Variants in NT5C3A observed in about 807,000 individuals in gnomAD.
NT5C3A encodes 5'-nucleotidase, cytosolic IIIA.
In NT5C3A, 23 loss-of-function variants were observed where a neutral mutation model predicts 40.0. The ratio of observed to expected loss-of-function variants is 0.58; its 90% CI spans 0.41 to 0.81. NT5C3A has a LOEUF of 0.81. Ranked by LOEUF, NT5C3A falls within the 40% of genes least tolerant of loss-of-function variation. The pLI is 0.00. For synonymous variants in NT5C3A, 130 were observed against 141.4 expected (o/e 0.92, Z 0.57); for missense variants, 328 against 403.0 (o/e 0.81, Z 1.59).
intron 1 of NT5C3A, among the ~76,000 whole-genome samples, chr7:33,029,983 A>C (rs1298602183): frequency 6.6e-6 from 1 of 152,246 alleles, no homozygotes; most frequent in East Asian, 1.9e-4. Context: ...AGTAGTGAAT[A>C]CACAAATGGC....
intron 8 of NT5C3A, among the ~76,000 whole-genome samples, chr7:33,015,414 T>C (rs1293955373): frequency 6.6e-6 from 1 of 152,066 alleles, no homozygotes; most frequent in Non-Finnish European, 1.5e-5. Context: ...AATTTAAAAA[T>C]CAGCCAGGTG....
intron 2 of NT5C3A, among the ~76,000 whole-genome samples, chr7:33,026,178 C>G (rs1448660499): frequency 1.3e-5 from 2 of 151,470 alleles, no homozygotes; most frequent in Non-Finnish European, 2.9e-5. Flanking sequence ...GAGTAATACT[C>G]AGTCTCAAAA....
At chr7:33,057,940 G>C (rs982221164) in intron 1 of NT5C3A, among the ~76,000 whole-genome samples, 12 of 152,128 alleles carry the variant, frequency 7.9e-5, no homozygotes, top group Admixed American at 5.9e-4. Flanking sequence ...TGTTGTGCTT[G>C]CATTTTACTT....
chr7:33,055,369 G>T (rs1787531126), intron 1 of NT5C3A, among the ~76,000 whole-genome samples: 1 of 151,374 alleles, frequency 6.6e-6, no homozygotes, highest in African/African-American at 2.4e-5. Flanking sequence ...GTTCTCTACT[G>T]CTGTATTATA....
chr7:33,044,983 T>C (rs1787087532), intron 1 of NT5C3A, among the ~76,000 whole-genome samples: 1 of 152,190 alleles, frequency 6.6e-6, no homozygotes, highest in African/African-American at 2.4e-5. Context: ...TTGTAGCAAG[T>C]ATTTTTACTT....
rs1786403421 is a variant in NT5C3A, at chr7:33,033,561, C to A, written c.139-6646G>T. On this transcript the variant is annotated intron_variant, in intron 1 of 8. Transcript: ENST00000610140. ...TAATGTGGATTAAAAAATAGAAACC[C>A]AAATAATTAATACATTGCCAAGATG... Among the ~76,000 whole-genome samples the A allele has an allele frequency of 3.3e-5, 5 of 152,022 alleles. No homozygotes were observed. In the South Asian group the frequency reaches 1.0e-3, roughly 32 times the overall value.
chr7:33,032,517 C>A (rs531900002), intron 1 of NT5C3A, among the ~76,000 whole-genome samples: 1 of 151,404 alleles, frequency 6.6e-6, no homozygotes, highest in African/African-American at 2.4e-5. Context: ...AGGGCAGTGG[C>A]GTGATCTTGG....
At chr7:33,019,606 T>C in intron 6 of NT5C3A, 29 bp downstream of exon 6, 2 of 1,302,836 alleles carry the variant, frequency 1.5e-6, no homozygotes, top group Non-Finnish European at 2.2e-6. Context: ...CTGTGAACAA[T>C]AACAGCAAAA....
chr7:33,020,870 C>G (rs536747120), intron 5 of NT5C3A, among the ~76,000 whole-genome samples: 17 of 150,826 alleles, frequency 1.1e-4, no homozygotes, highest in African/African-American at 3.9e-4. Flanking sequence ...GCCTGGAACA[C>G]TGCATTTTGA....
At chr7:33,040,083 T>C (rs930258308) in intron 1 of NT5C3A, among the ~76,000 whole-genome samples, 2 of 152,280 alleles carry the variant, frequency 1.3e-5, no homozygotes, top group Middle Eastern at 3.4e-3. Context: ...TGAGTTCTTC[T>C]GTCCTTGAAT....
At chr7:33,048,199 G>GT (rs1227780517) in intron 1 of NT5C3A, among the ~76,000 whole-genome samples, 55 of 137,756 alleles carry the variant, frequency 4.0e-4, no homozygotes, top group South Asian at 9.2e-4. Context: ...TGTGTGTGTG[G>GT]TTTTTTTTTG....
intron 1 of NT5C3A, among the ~76,000 whole-genome samples, chr7:33,061,619 T>C (rs191686502): frequency 6.6e-5 from 10 of 152,364 alleles, no homozygotes; most frequent in East Asian, 1.9e-4. Flanking sequence ...TTGGAACATA[T>C]TGCAGGTGCT....
chr7:33,019,389 A>C (rs898444534), intron 6 of NT5C3A, among the ~76,000 whole-genome samples: 2 of 152,192 alleles, frequency 1.3e-5, no homozygotes, highest in African/African-American at 2.4e-5. Flanking sequence ...TGACATTTTT[A>C]ATCTGGAGAA....
In NT5C3A at chr7:33,062,673, C is replaced by T. The variant is rs1283587174; in HGVS notation, c.33G>A (p.Ala11=). MDRAAVARVG[A]VASASVCALV... ...GGGCGCACACGCTGGCGCTCGCTAC[C>T]GCGCCCACCCTCGCCACGGCCGCGC... Residue 11 remains alanine, a synonymous_variant, in exon 1 of 9, where the codon GCG becomes GCA. Coordinates refer to ENST00000610140, the MANE Select transcript of NT5C3A (RefSeq NM_001002010.5). The T allele has an allele frequency of 3.8e-6, 6 of 1,580,294 alleles. No homozygotes were observed. The highest frequency in any genetic ancestry group is 2.4e-5 in the East Asian group (1 of 42,300).
chr7:33,035,029 AG>A, intron 1 of NT5C3A, among the ~76,000 whole-genome samples: 1 of 12,130 alleles, frequency 8.2e-5, no homozygotes, highest in East Asian at 1.4e-3. Flanking sequence ...CTAACGTAAT[AG>A]AGTAGATCAA....
At chr7:33,052,181 A>G (rs1014992851) in intron 1 of NT5C3A, among the ~76,000 whole-genome samples, 1 of 151,918 alleles carries the variant, frequency 6.6e-6, no homozygotes, top group African/African-American at 2.4e-5. Context: ...CCATTTCTTG[A>G]GCTTTTTAAA....
chr7:33,038,828 G>C (rs1450889751), intron 1 of NT5C3A: 3 of 456,236 alleles, frequency 6.6e-6, no homozygotes, highest in Non-Finnish European at 1.3e-5. Flanking sequence ...TTTGCCAATG[G>C]TCATCTGTTG....
At chr7:33,041,552 T>C (rs557248158) in intron 1 of NT5C3A, among the ~76,000 whole-genome samples, 1 of 152,290 alleles carries the variant, frequency 6.6e-6, no homozygotes, top group South Asian at 2.1e-4. Flanking sequence ...TATGCAAATG[T>C]GGTCAAAAAA....
intron 1 of NT5C3A, chr7:33,045,805 G>A (rs994767175): frequency 2.6e-5 from 4 of 152,030 alleles, no homozygotes; most frequent in Non-Finnish European, 5.9e-5. Context: ...CATAGAGACA[G>A]GGTCTCATTA....
Sources: allele counts gnomAD v4.1 joint callset (sites outside exome capture counted in the v4.1 genomes callset), GRCh38; gene constraint gnomAD v4.1.1; transcripts MANE v1.5; gene names NCBI Gene and HGNC (gene_info 2026-07-23, HGNC 2026-07-21).